LIMK1: variants seen among roughly 807,000 people sequenced by gnomAD.
LIMK1 encodes LIM domain kinase 1.
In LIMK1, 21 loss-of-function variants were observed where a neutral mutation model predicts 77.6. That is an observed-to-expected ratio of 0.27 (90% CI 0.19 to 0.39). LIMK1 has a LOEUF of 0.39. Among genes scored for constraint, LIMK1 ranks in the 10% least tolerant of loss-of-function variants. The probability of loss-of-function intolerance (pLI) is 1.00; values close to 1 mark genes in which losing one functional copy is unlikely to be tolerated. For synonymous variants in LIMK1, 358 were observed against 370.0 expected (o/e 0.97, Z 0.37); for missense variants, 696 against 901.6 (o/e 0.77, Z 2.92).
intron 5 of LIMK1, among the ~76,000 whole-genome samples, chr7:74,105,421 G>A (rs1554697180): frequency 2.6e-5 from 4 of 151,704 alleles, no homozygotes; most frequent in Admixed American, 6.6e-5. Flanking sequence ...GCTGAGGTAC[G>A]AGAATCGCTT....
At chr7:74,117,399 C>T (rs1453362654) in intron 13 of LIMK1, among the ~76,000 whole-genome samples, 2 of 152,200 alleles carry the variant, frequency 1.3e-5, no homozygotes, top group Non-Finnish European at 1.5e-5. Context: ...AGACCCTCAA[C>T]TTAATCCCAT....
chr7:74,104,516 T>C (rs1799527084), intron 5 of LIMK1, among the ~76,000 whole-genome samples: 1 of 151,356 alleles, frequency 6.6e-6, no homozygotes, highest in African/African-American at 2.4e-5. Context: ...TCCCAGCTAC[T>C]CAGGAGCCTG....
At chr7:74,111,376 T>C in intron 10 of LIMK1, 1 of 451,020 alleles carries the variant, frequency 2.2e-6, no homozygotes, top group African/African-American at 2.0e-5. Context: ...AGGCGAAGGT[T>C]GTAGGGAGCT....
intron 10 of LIMK1, chr7:74,110,259 G>A (rs797036102): frequency 1.3e-5 from 2 of 152,300 alleles, no homozygotes; most frequent in African/African-American, 4.8e-5. Context: ...AGGAGGCTGA[G>A]GCAGAAGGAT....
chr7:74,116,717 T>G (rs1341642959), intron 13 of LIMK1, among the ~76,000 whole-genome samples: 1 of 150,012 alleles, frequency 6.7e-6, no homozygotes, highest in Non-Finnish European at 1.5e-5. Flanking sequence ...TTTTTTTCTT[T>G]TTTAAAGAGG....
chr7:74,086,705 T>C (rs1174066885), intron 2 of LIMK1, among the ~76,000 whole-genome samples: 2 of 151,498 alleles, frequency 1.3e-5, no homozygotes, highest in Non-Finnish European at 2.9e-5. Flanking sequence ...TTAGAGAGGA[T>C]GGGAGAGACC....
chr7:74,107,005 C>T lies in LIMK1; in HGVS notation c.882-5C>T, dbSNP rs1487340210. 10 of 1,575,380 alleles carry T rather than the reference C, an allele frequency of 6.3e-6. No individual in the cohort carries two copies. The highest frequency in any genetic ancestry group is 6.9e-6 in the Non-Finnish European group (8 of 1,161,778). On this transcript the variant is annotated splice_polypyrimidine_tract_variant and splice_region_variant and intron_variant, in intron 7 of 15. Transcript: ENST00000336180. ...GTGGCACTTGGCACCATGTGTGCCC[C>T]CCAGGAGGAGCTGCAGCATCGACAG...
chr7:74,096,094 A>G (rs962389909), intron 2 of LIMK1, among the ~76,000 whole-genome samples: 13 of 151,218 alleles, frequency 8.6e-5, no homozygotes, highest in Non-Finnish European at 1.8e-4. Flanking sequence ...CCTCCCGAGT[A>G]GCTGGGATTA....
chr7:74,106,042 C>G (rs1281544296), intron 6 of LIMK1, 35 bp from the exon 7 acceptor site: 2 of 1,613,600 alleles, frequency 1.2e-6, no homozygotes, highest in East Asian at 2.2e-5. Context: ...GCCCCCTCCC[C>G]ACTCCACCCC....
intron 7 of LIMK1, among the ~76,000 whole-genome samples, chr7:74,106,471 G>A (rs555374642): frequency 6.6e-6 from 1 of 152,258 alleles, no homozygotes; most frequent in Middle Eastern, 3.4e-3. Flanking sequence ...TTAAAAAGCC[G>A]GGGACGGGGC....
chr7:74,088,326 C>T (rs1452636911), intron 2 of LIMK1, among the ~76,000 whole-genome samples: 2 of 152,104 alleles, frequency 1.3e-5, no homozygotes, highest in African/African-American at 2.4e-5. Flanking sequence ...CAGAAAGAGG[C>T]CTTCGGGGGG....
At position 74,083,895 on chromosome 7, in the gene LIMK1, C is replaced by T. The variant is rs1799077462; in HGVS notation, c.-96C>T. On this transcript the variant is annotated 5_prime_UTR_variant, in exon 1 of 16. Transcript: ENST00000336180. The stretch of plus-strand genomic sequence containing the variant: ...CCCGGCCCGGCCCGGCCCGCGCCCT[C>T]CGCCCCCGCCTCCCCGGGCCGGCGG... The T allele has an allele frequency of 6.0e-6, 1 of 167,688 alleles. No individual in the cohort carries two copies. Among genetic ancestry groups the T allele is most frequent in the Non-Finnish European group, 1.2e-5 (1 of 84,738 alleles). 10.4% of individuals were successfully genotyped at this position (167,688 alleles called of 1,614,324 possible). A position where few individuals can be genotyped will look rare whatever the true frequency, so the allele number is the denominator to read the frequency against.
chr7:74,107,968 G>C lies in LIMK1; in HGVS notation c.1152+11G>C, dbSNP rs782277772. Reference sequence around the variant, plus strand: ...ACGTTCCTCAAGGAGGTCAGTGAGCGGAATGCCCTCTTCCCTCCAGAGGGA... The same window carrying C: ...ACGTTCCTCAAGGAGGTCAGTGAGCCGAATGCCCTCTTCCCTCCAGAGGGA... On this transcript the variant is annotated intron_variant, in intron 9 of 15. Transcript: ENST00000336180. The C allele has an allele frequency of 2.3e-5, 36 of 1,551,108 alleles. No homozygotes were observed. The highest frequency in any genetic ancestry group is 2.8e-5 in the Non-Finnish European group (32 of 1,144,854).
At chr7:74,111,413 G>A (rs1799695911) in intron 10 of LIMK1, 2 of 530,622 alleles carry the variant, frequency 3.8e-6, no homozygotes, top group Non-Finnish European at 6.8e-6. Flanking sequence ...ACTCCACCCT[G>A]GGTGACAGAG....
chr7:74,106,878 C>G (rs1221287516), intron 7 of LIMK1, 132 bp from the exon 8 acceptor site: 2 of 910,426 alleles, frequency 2.2e-6, no homozygotes, highest in African/African-American at 3.4e-5. Context: ...CCCAGGCGGG[C>G]CCTCCCAAAG....
intron 12 of LIMK1, among the ~76,000 whole-genome samples, chr7:74,113,047 A>C (rs1402773962): frequency 6.6e-6 from 1 of 152,106 alleles, no homozygotes; most frequent in Non-Finnish European, 1.5e-5. Flanking sequence ...TGTGCTGGGC[A>C]CAGTGGCTCA....
At chr7:74,089,711 A>C (rs1035825776) in intron 2 of LIMK1, among the ~76,000 whole-genome samples, 1 of 149,434 alleles carries the variant, frequency 6.7e-6, no homozygotes, top group Non-Finnish European at 1.5e-5. Context: ...TGGGCTATCC[A>C]TGGTGGCTGT....
rs869065672 is a variant in LIMK1, at chr7:74,095,968, C to CT, written c.153-640dup. Among the ~76,000 whole-genome samples, 311 of 127,172 alleles carry CT rather than the reference C, an allele frequency of 2.4e-3. 4 individuals are homozygous for CT. In the Middle Eastern group the frequency reaches 0.056, roughly 23 times the overall value. The allele number at this position is 127,172 out of a possible 152,430, so 83.4% of individuals were successfully genotyped here. ...GGGATTCTCCTCTATTTTTCTTTTT[C>CT]TTTTTTTTTTTTTTGGAGACAGAGT... is the stretch of plus-strand genomic sequence containing the variant. On this transcript the variant is annotated intron_variant, in intron 2 of 15. Transcript: ENST00000336180.
At position 74,099,181 on chromosome 7, in the gene LIMK1, C is replaced by T. The variant is rs781917913; in HGVS notation, c.551C>T (p.Pro184Leu). 2 of 1,611,930 alleles carry T rather than the reference C, an allele frequency of 1.2e-6. No individual in the cohort carries two copies. The highest frequency in any genetic ancestry group is 2.2e-5 in the South Asian group (2 of 91,086). The change falls in exon 5 of 16, where the codon CCC becomes CTC. Residue 184 changes from proline to leucine, a missense_variant. Pro to Leu is a moderately conservative substitution (Grantham distance 98). Transcript: ENST00000336180. ...CGTGGACTTTCAGTCTCCATTGACC[C>T]CCCGCACGGCCCACCGGGCTGTGGC... ...GKRGLSVSID[P>L]PHGPPGCGTE...
Sources: allele counts gnomAD v4.1 joint callset (sites outside exome capture counted in the v4.1 genomes callset), GRCh38; gene constraint gnomAD v4.1.1; transcripts MANE v1.5; gene names NCBI Gene and HGNC (gene_info 2026-07-23, HGNC 2026-07-21).